Variants in ATXN8OS observed in about 807,000 individuals in gnomAD.
The protein encoded by ATXN8OS is ATXN8 opposite strand (non-protein coding).
intron 4 of ATXN8OS, among the ~76,000 whole-genome samples, chr13:70,167,871 G>T (rs1163217404): frequency 6.6e-6 from 1 of 151,536 alleles, no homozygotes; most frequent in Admixed American, 6.6e-5. Flanking sequence ...GTGTAGCTTG[G>T]ACTACAGGCG....
chr13:70,165,629 G>A lies in ATXN8OS; in HGVS notation n.574-4124G>A, dbSNP rs180676325. Among the ~76,000 whole-genome samples the A allele has an allele frequency of 3.8e-4, 57 of 151,696 alleles. 1 individual carries two copies. The highest frequency in any genetic ancestry group is 7.4e-4 in the Non-Finnish European group (50 of 67,788). ...TCCAAATCAGAAATCATACATATGAGGAAAAAAACTAAAAATAGAAATATC... is the reference window on the plus strand; with the variant it reads ...TCCAAATCAGAAATCATACATATGAAGAAAAAAACTAAAAATAGAAATATC... On this transcript the variant is annotated intron_variant and non_coding_transcript_variant, in intron 4 of 4. Coordinates refer to ENST00000678624, the Ensembl canonical transcript of ATXN8OS.
At chr13:70,147,668 T>C (rs1342215127) in intron 4 of ATXN8OS, among the ~76,000 whole-genome samples, 1 of 152,190 alleles carries the variant, frequency 6.6e-6, no homozygotes, top group Non-Finnish European at 1.5e-5. Context: ...GAATGTATTA[T>C]ATAACATTTC....
intron 3 of ATXN8OS, among the ~76,000 whole-genome samples, chr13:70,142,893 G>A (rs1297258426): frequency 6.6e-6 from 1 of 152,122 alleles, no homozygotes; most frequent in African/African-American, 2.4e-5. Flanking sequence ...GACCAACATG[G>A]AGAAACCTCC....
chr13:70,150,771 A>G (rs973742295), intron 4 of ATXN8OS, among the ~76,000 whole-genome samples: 3 of 152,134 alleles, frequency 2.0e-5, no homozygotes, highest in Non-Finnish European at 1.5e-5. Context: ...GGAGTTATCA[A>G]ATTATAACAC....
At chr13:70,139,400 T>TGCTGCTGCTGCTGCTGCTGCTGCA in intron 3 of ATXN8OS, 1 of 630,254 alleles carries the variant, frequency 1.6e-6, no homozygotes, top group African/African-American at 2.2e-5. Flanking sequence ...CTGCTGCTGC[T>TGCTGCTGCTGCTGCTGCTGCTGCA]GCTGCTGCTG....
At chr13:70,115,533 A>C (rs1888266301) in intron 2 of ATXN8OS, among the ~76,000 whole-genome samples, 1 of 152,112 alleles carries the variant, frequency 6.6e-6, no homozygotes, top group South Asian at 2.1e-4. Context: ...AAACAAAAGT[A>C]ATGGTTTTTT....
chr13:70,120,453 G>A (rs1437108650), intron 2 of ATXN8OS, among the ~76,000 whole-genome samples: 1 of 152,094 alleles, frequency 6.6e-6, no homozygotes. Flanking sequence ...CTATTAGGAG[G>A]AGGCCATCAA....
chr13:70,139,823 C>T (rs905361087), intron 3 of ATXN8OS, among the ~76,000 whole-genome samples: 1 of 152,110 alleles, frequency 6.6e-6, no homozygotes, highest in Non-Finnish European at 1.5e-5. Context: ...GCTTCACTGA[C>T]ATTTCTATAC....
intron 2 of ATXN8OS, among the ~76,000 whole-genome samples, chr13:70,127,886 G>A (rs940894001): frequency 6.6e-6 from 1 of 152,096 alleles, no homozygotes; most frequent in African/African-American, 2.4e-5. Flanking sequence ...CTTAATTGTA[G>A]ATAGAATTCA....
intron 4 of ATXN8OS, among the ~76,000 whole-genome samples, chr13:70,166,192 G>T (rs1889073411): frequency 6.6e-6 from 1 of 151,940 alleles, no homozygotes. Context: ...AACCAAAAAA[G>T]AGCCCTCATT....
chr13:70,159,997 A>G (rs1383265045), intron 4 of ATXN8OS, among the ~76,000 whole-genome samples: 1 of 152,222 alleles, frequency 6.6e-6, no homozygotes, highest in Non-Finnish European at 1.5e-5. Flanking sequence ...ATTCACATGT[A>G]CAGATTATTG....
chr13:70,132,867 T>C (rs1186493576), intron 3 of ATXN8OS, among the ~76,000 whole-genome samples: 1 of 152,098 alleles, frequency 6.6e-6, no homozygotes, highest in African/African-American at 2.4e-5. Context: ...TATTTTTTTT[T>C]TTGCATGTGC....
At chr13:70,146,241 G>A (rs368887366) in intron 3 of ATXN8OS, among the ~76,000 whole-genome samples, 30 of 146,858 alleles carry the variant, frequency 2.0e-4, no homozygotes, top group Admixed American at 4.8e-4. Flanking sequence ...TTAGAATGGC[G>A]ATCATTAAAA....
rs1433224342 is a variant in ATXN8OS, at chr13:70,131,074, A to C, written n.499+1190A>C. The stretch of plus-strand genomic sequence containing the variant: ...ATTATTCTTTGACCAATTTTGTCTT[A>C]TCTCTTATCCACATTCTTCCCTGCT... On this transcript the variant is annotated intron_variant and non_coding_transcript_variant, in intron 3 of 4. Transcript: ENST00000678624. The C allele has an allele frequency of 4.0e-5, 16 of 398,384 alleles. No homozygotes were observed. The East Asian group carries it at 5.7e-4, about 14-fold the overall frequency. 24.7% of individuals were successfully genotyped at this position (398,384 alleles called of 1,614,324 possible). A position where few individuals can be genotyped will look rare whatever the true frequency, so the allele number is the denominator to read the frequency against.
intron 2 of ATXN8OS, among the ~76,000 whole-genome samples, chr13:70,118,978 A>G (rs544136621): frequency 6.6e-6 from 1 of 152,194 alleles, no homozygotes; most frequent in Admixed American, 6.6e-5. Flanking sequence ...ATGTCAAGCC[A>G]TGGAAAGCTA....
intron 2 of ATXN8OS, among the ~76,000 whole-genome samples, chr13:70,117,888 C>T (rs1888302111): frequency 6.6e-6 from 1 of 152,020 alleles, no homozygotes; most frequent in South Asian, 2.1e-4. Context: ...GCTTTCAATA[C>T]TTAGTTGGCT....
At chr13:70,131,093 C>A (rs1045544998) in intron 3 of ATXN8OS, 3 of 398,390 alleles carry the variant, frequency 7.5e-6, no homozygotes, top group Admixed American at 4.4e-5. Flanking sequence ...CCACATTCTT[C>A]CCTGCTCTTC....
At chr13:70,118,509 T>G (rs1888313057) in intron 2 of ATXN8OS, among the ~76,000 whole-genome samples, 1 of 152,062 alleles carries the variant, frequency 6.6e-6, no homozygotes, top group African/African-American at 2.4e-5. Context: ...CATTTCTGGT[T>G]TTGAGTAAGA....
intron 2 of ATXN8OS, among the ~76,000 whole-genome samples, chr13:70,126,789 T>C (rs1243066969): frequency 6.6e-6 from 1 of 151,728 alleles, no homozygotes; most frequent in Non-Finnish European, 1.5e-5. Flanking sequence ...TCTATACATA[T>C]CTAGATCTAT....
Sources: allele counts gnomAD v4.1 joint callset (sites outside exome capture counted in the v4.1 genomes callset), GRCh38; gene constraint gnomAD v4.1.1; transcripts MANE v1.5; gene names NCBI Gene and HGNC (gene_info 2026-07-23, HGNC 2026-07-21).